ZFHX3: variants seen among roughly 807,000 people sequenced by gnomAD.
ZFHX3 encodes the protein zinc finger homeobox protein 3.
A neutral mutation model predicts 279.1 loss-of-function variants in ZFHX3; 42 were observed. That is an observed-to-expected ratio of 0.15 (90% CI 0.12 to 0.19). The LOEUF (loss-of-function observed/expected upper bound fraction) is 0.19. ZFHX3 is among the 10% of genes least tolerant of loss of function. ZFHX3 has a pLI of 1.00. For synonymous variants in ZFHX3, 2,293 were observed against 1,957.8 expected (o/e 1.17, Z -4.52); for missense variants, 4,981 against 4,754.0 (o/e 1.05, Z -1.40).
intron 7 of ZFHX3, among the ~76,000 whole-genome samples, chr16:73,124,871 T>G (rs1368884673): frequency 6.6e-6 from 1 of 152,204 alleles, no homozygotes. Flanking sequence ...GAGTCTGTTC[T>G]GCAGTGACAT....
chr16:73,311,532 G>A (rs2015325305), intron 4 of ZFHX3, among the ~76,000 whole-genome samples: 1 of 143,768 alleles, frequency 7.0e-6, no homozygotes, highest in African/African-American at 2.6e-5. Context: ...AGAGGTTGCA[G>A]TGAGCTGAGA....
chr16:73,040,620 C>A (rs754056399), intron 1 of ZFHX3, among the ~76,000 whole-genome samples: 38 of 152,134 alleles, frequency 2.5e-4, no homozygotes, highest in Non-Finnish European at 4.4e-4. Flanking sequence ...AACACGGTTG[C>A]AAAGATGTCA....
At chr16:72,867,393 A>T (rs1165311790) in intron 4 of ZFHX3, among the ~76,000 whole-genome samples, 1 of 152,234 alleles carries the variant, frequency 6.6e-6, no homozygotes, top group South Asian at 2.1e-4. Context: ...CTGAGCAGGA[A>T]GATGAGAACG....
chr16:73,610,848 T>G (rs1189713555), intron 2 of ZFHX3, among the ~76,000 whole-genome samples: 1 of 152,210 alleles, frequency 6.6e-6, no homozygotes, highest in East Asian at 1.9e-4. Context: ...AGATTCTAAA[T>G]TCAAAGGATT....
chr16:73,646,114 GA>G (rs1436875363), intron 2 of ZFHX3, among the ~76,000 whole-genome samples: 1 of 152,126 alleles, frequency 6.6e-6, no homozygotes, highest in East Asian at 1.9e-4. Flanking sequence ...TTATTCTAAA[GA>G]AATAAGTGAA....
rs551996769 is a variant in ZFHX3 at position 73,184,935 on chromosome 16, C to T, written c.-1103-41104G>A. 3.6e-3 allele frequency among the ~76,000 whole-genome samples: 549 copies of T among 151,898 alleles called. 7 individuals are homozygous for T. The highest frequency in any genetic ancestry group is 0.012 in the African/African-American group (510 of 41,426). On this transcript the variant is annotated intron_variant, in intron 5 of 17. Coordinates refer to the ZFHX3 transcript ENST00000641206. Reference sequence around the variant, plus strand: ...ACCAGGCTGGTGAGATCGGCAGGGCCGGTGCACAGCAGATATTGTGTGCAA... The same window carrying T: ...ACCAGGCTGGTGAGATCGGCAGGGCTGGTGCACAGCAGATATTGTGTGCAA...
chr16:73,758,334 A>T (rs928301007), intron 1 of ZFHX3, among the ~76,000 whole-genome samples: 2 of 152,224 alleles, frequency 1.3e-5, no homozygotes, highest in African/African-American at 4.8e-5. Context: ...AATATTAATG[A>T]TATAAAGCAA....
intron 1 of ZFHX3, among the ~76,000 whole-genome samples, chr16:73,005,307 A>T (rs966621737): frequency 6.6e-6 from 1 of 152,106 alleles, no homozygotes; most frequent in Non-Finnish European, 1.5e-5. Context: ...CAGCCTGGCC[A>T]ACAATGGTGA....
At chr16:72,873,888 G>A (rs1275054500) in intron 4 of ZFHX3, among the ~76,000 whole-genome samples, 4 of 152,076 alleles carry the variant, frequency 2.6e-5, no homozygotes, top group Middle Eastern at 3.4e-3. Context: ...CCACATAATC[G>A]TAACACAGTT....
At chr16:72,947,139 CT>C (rs1960722934) in intron 3 of ZFHX3, among the ~76,000 whole-genome samples, 1 of 152,226 alleles carries the variant, frequency 6.6e-6, no homozygotes, top group African/African-American at 2.4e-5. Flanking sequence ...ATCAGGAGCA[CT>C]TTGCAGAAGT....
At chr16:73,527,494 A>C (rs1227761914) in intron 2 of ZFHX3, among the ~76,000 whole-genome samples, 1 of 152,164 alleles carries the variant, frequency 6.6e-6, no homozygotes, top group Non-Finnish European at 1.5e-5. Context: ...GAACTTCTCC[A>C]GTGAGTCCGG....
chr16:72,796,221 T>C lies in ZFHX3; in HGVS notation c.6461A>G (p.Asp2154Gly). 6.2e-7 allele frequency: 1 copy of C among 1,614,068 alleles called. No individual in the cohort carries two copies. Among genetic ancestry groups the C allele is most frequent in the Non-Finnish European group, 8.5e-7 (1 of 1,180,024 alleles). ...QNKRPRTRIT[D>G]DQLRVLRQYF... is the part of the protein sequence containing the mutation. The stretch of plus-strand genomic sequence containing the variant: ...TTGCCGCAAGACTCGGAGCTGATCA[T>C]CTGTGATCCTGGTGCGAGGCCTCTT... Residue 2154 changes from aspartate (D) to glycine (G), a missense_variant, in exon 9 of 10, where the codon GAT (aspartate) becomes GGT (glycine). Physicochemically the swap from Asp to Gly is moderately conservative, Grantham distance 94. Around this residue, in one of 7 missense-constraint regions of ZFHX3, gnomAD observed 177 missense variants for 244.2 expected, o/e 0.72. Transcript: ENST00000268489.
At chr16:73,127,800 A>G (rs1966597534) in intron 7 of ZFHX3, among the ~76,000 whole-genome samples, 1 of 152,230 alleles carries the variant, frequency 6.6e-6, no homozygotes, top group Non-Finnish European at 1.5e-5. Flanking sequence ...AGTGTAGTTA[A>G]GAGACTGGCT....
intron 5 of ZFHX3, among the ~76,000 whole-genome samples, chr16:73,243,744 TTGTGTG>T (rs34895940): frequency 3.1e-4 from 47 of 150,014 alleles, no homozygotes; most frequent in African/African-American, 1.0e-3. Context: ...CCAACACGTT[TTGTGTG>T]TGTGTGTGTG....
chr16:72,819,252 CA>C (rs1456977893), intron 5 of ZFHX3, among the ~76,000 whole-genome samples: 15 of 139,468 alleles, frequency 1.1e-4, no homozygotes, highest in South Asian at 5.5e-4. Context: ...ATCTTGCTTA[CA>C]TCTACCAAGA....
chr16:72,979,394 C>A (rs1597047795), intron 1 of ZFHX3, among the ~76,000 whole-genome samples: 1 of 152,278 alleles, frequency 6.6e-6, no homozygotes, highest in South Asian at 2.1e-4. Context: ...TGAAAAACAC[C>A]ACCAGCCAGG....
intron 6 of ZFHX3, chr16:73,143,601 C>T: frequency 5.1e-6 from 2 of 392,140 alleles, no homozygotes; most frequent in Admixed American, 3.7e-5. Flanking sequence ...ACCCCAGGCA[C>T]ACTGCAGAGG....
At chr16:73,798,163 A>C (rs1213466882) in intron 1 of ZFHX3, among the ~76,000 whole-genome samples, 1 of 152,092 alleles carries the variant, frequency 6.6e-6, no homozygotes, top group Non-Finnish European at 1.5e-5. Context: ...TCACTACTAT[A>C]ATGTTCAGAC....
At chr16:73,876,077 T>C (rs1400154775) in intron 1 of ZFHX3, among the ~76,000 whole-genome samples, 1 of 152,178 alleles carries the variant, frequency 6.6e-6, no homozygotes, top group Non-Finnish European at 1.5e-5. Context: ...CTGAATTTTT[T>C]AAAAGGAGCT....
Sources: allele counts gnomAD v4.1 joint callset (sites outside exome capture counted in the v4.1 genomes callset), GRCh38; gene constraint gnomAD v4.1.1; regional missense constraint gnomAD v4.1.1; transcripts MANE v1.5; gene names NCBI Gene and HGNC (gene_info 2026-07-23, HGNC 2026-07-21).